The following ATXN7L3 variants were observed in gnomAD, a reference collection of about 807,000 sequenced individuals.
ATXN7L3 encodes the protein ataxin 7 like 3, also known as ataxin-7-like protein 3.
Under a neutral mutation model 50.0 loss-of-function variants are expected in ATXN7L3, and 6 were observed. The observed-to-expected ratio is 0.12, with a 90% CI of 0.07 to 0.24. ATXN7L3 has a LOEUF of 0.24. Among genes scored for constraint, ATXN7L3 ranks in the 10% least tolerant of loss-of-function variants. The probability of loss-of-function intolerance (pLI) is 1.00; values close to 1 mark genes in which losing one functional copy is unlikely to be tolerated. For missense variants in ATXN7L3, 322 were observed against 451.3 expected (o/e 0.71, Z 2.60); for synonymous variants, 198 against 165.8 (o/e 1.19, Z -1.49).
rs367866374 is a variant in ATXN7L3, at chr17:44,196,069, G to C, written c.488C>G (p.Ser163Cys). ...KKRKSDKNPN[S>C]PRRSKSLKHK... ...TTTTAATGACTTGGATCTTCGAGGG[G>C]AATTGGGGTTCTGGAATGGGAGATA... The change falls in exon 7 of 13, where the codon TCC (serine) becomes TGC (cysteine). Residue 163 changes from serine (S) to cysteine (C), a missense_variant. Coordinates refer to ENST00000587097, the MANE Select transcript of ATXN7L3 (RefSeq NM_001382309.1). The C allele has an allele frequency of 1.9e-6, 3 of 1,613,372 alleles. No homozygotes were observed. The highest frequency in any genetic ancestry group is 1.7e-6 in the Non-Finnish European group (2 of 1,179,494).
Position 44,197,643 on chromosome 17 carries a change from A to C in ATXN7L3, c.139T>G (p.Tyr47Asp). 1.9e-6 allele frequency: 3 copies of C among 1,614,256 alleles called. No homozygotes were observed. The highest frequency in any genetic ancestry group is 2.5e-6 in the Non-Finnish European group (3 of 1,180,046). The change falls in exon 3 of 13, where the codon TAC becomes GAC. Residue 47 changes from tyrosine (Y) to aspartate (D), a missense_variant. By Grantham distance (160) the Tyr-to-Asp change is radical (BLOSUM62 -3). Coordinates refer to ENST00000587097, the MANE Select transcript of ATXN7L3 (RefSeq NM_001382309.1). Reference protein sequence around the residue: ...FEVHRAVKCGYFFLDDTDPDS... With the variant: ...FEVHRAVKCGDFFLDDTDPDS... ...GGGTCCGTGTCGTCCAAGAAGAAGTAGCCACACTTGACAGCCCGGTGTACC... is the reference window on the plus strand; with the variant it reads ...GGGTCCGTGTCGTCCAAGAAGAAGTCGCCACACTTGACAGCCCGGTGTACC...
In ATXN7L3 at chr17:44,194,827, G is replaced by A; in HGVS notation, c.678C>T (p.Cys226=). The A allele has an allele frequency of 1.2e-6, 2 of 1,614,166 alleles. No individual in the cohort carries two copies. The highest frequency in any genetic ancestry group is 1.7e-6 in the Non-Finnish European group (2 of 1,180,006). The stretch of plus-strand genomic sequence containing the variant: ...GCCTCTGCTCATCTGTGTGCTGTGG[G>A]CAGCGCAGGGACCTGGTGGTGAGGC... ...TKKMCTRSLR[C]PQHTDEQRRT... is the part of the protein sequence containing the mutation. Residue 226 remains cysteine (C), a synonymous_variant, in exon 11 of 13, where the codon TGC becomes TGT. Coordinates refer to ENST00000587097, the MANE Select transcript of ATXN7L3 (RefSeq NM_001382309.1).
intron 9 of ATXN7L3, 67 bp downstream of exon 9, chr17:44,195,352 G>A: frequency 3.3e-6 from 5 of 1,522,488 alleles, no homozygotes; most frequent in South Asian, 1.1e-5. Context: ...TTCCTCCCAG[G>A]CCTTGACCAC....
In ATXN7L3 at chr17:44,196,830, C is replaced by T. The variant is rs1190503902; in HGVS notation, c.454+99G>A. 8.5e-6 allele frequency: 6 copies of T among 703,262 alleles called. No homozygotes were observed. The East Asian group carries it at 8.9e-5, about 10-fold the overall frequency. 43.6% of individuals were successfully genotyped at this position (703,262 alleles called of 1,614,324 possible). ...AGGAAATCGCGTAACTACACTCTCT[C>T]TTCATCATTCAAGGCAACAATTTGT... On this transcript the variant is annotated intron_variant, in intron 5 of 12. Transcript: ENST00000587097.
intron 10 of ATXN7L3, 55 bp downstream of exon 10, chr17:44,195,042 G>T: frequency 6.3e-7 from 1 of 1,594,654 alleles, no homozygotes; most frequent in Non-Finnish European, 8.6e-7. Flanking sequence ...CCCAACCCAT[G>T]CCCATGGTGA....
chr17:44,197,562 A>G (rs1195377327), intron 3 of ATXN7L3, 36 bp downstream of exon 3: 1 of 1,613,534 alleles, frequency 6.2e-7, no homozygotes, highest in Admixed American at 1.7e-5. Context: ...GTCCCAGGGA[A>G]GGGCTGGACT....
In ATXN7L3 at chr17:44,195,066, G is replaced by A. The variant is rs200377220; in HGVS notation, c.665+31C>T. The stretch of plus-strand genomic sequence containing the variant: ...TGCCCATGGTGAGTGTGCAGGAAGC[G>A]CCTGGCCCCCTTTCTAGGTTCTGTG... On this transcript the variant is annotated intron_variant, in intron 10 of 12. Coordinates refer to ENST00000587097, the MANE Select transcript of ATXN7L3 (RefSeq NM_001382309.1). 117 of 1,612,654 alleles carry A rather than the reference G, an allele frequency of 7.3e-5. No individual in the cohort carries two copies. In the African/African-American group the frequency reaches 1.3e-3, roughly 18 times the overall value.
At chr17:44,197,143 A>G (rs1228562510) in intron 4 of ATXN7L3, 85 bp downstream of exon 4, 5 of 1,563,450 alleles carry the variant, frequency 3.2e-6, no homozygotes, top group Non-Finnish European at 4.4e-6. Flanking sequence ...GCCAAGTAAA[A>G]CCCACCCTCT....
Position 44,197,587 on chromosome 17 carries a change from C to A in ATXN7L3, c.184+11G>T. On this transcript the variant is annotated intron_variant, in intron 3 of 12. Coordinates refer to ENST00000587097, the MANE Select transcript of ATXN7L3 (RefSeq NM_001382309.1). The stretch of plus-strand genomic sequence containing the variant: ...AGGGCTGGACTGCTGCTCCTTCACC[C>A]TGAAGCTCACCAAAATCCTTCATGC... The A allele has an allele frequency of 6.2e-7, 1 of 1,614,240 alleles. No homozygotes were observed. Among genetic ancestry groups the A allele is most frequent in the Non-Finnish European group, 8.5e-7 (1 of 1,180,040 alleles).
Position 44,197,212 on chromosome 17 carries a change from G to C in ATXN7L3, c.356+16C>G. On this transcript the variant is annotated intron_variant, in intron 4 of 12. Transcript: ENST00000587097. Reference sequence around the variant, plus strand: ...TGGCACAGGCTGCAGAGAACGGGCAGCTCTGGTTCCCTCACCGGCGGTTGG... The same window carrying C: ...TGGCACAGGCTGCAGAGAACGGGCACCTCTGGTTCCCTCACCGGCGGTTGG... The C allele has an allele frequency of 3.2e-6, 5 of 1,584,138 alleles. No individual in the cohort carries two copies. Among genetic ancestry groups the C allele is most frequent in the Non-Finnish European group, 4.3e-6 (5 of 1,162,674 alleles).
chr17:44,197,886 T>C (rs2055975397), intron 2 of ATXN7L3, 134 bp downstream of exon 2: 1 of 1,512,178 alleles, frequency 6.6e-7, no homozygotes, highest in African/African-American at 1.4e-5. Context: ...CCTGGATCCT[T>C]GGCTTTTTCA....
At chr17:44,195,508 C>T (rs1374147138) in intron 8 of ATXN7L3, 21 bp from the exon 9 acceptor site, 1 of 1,607,200 alleles carries the variant, frequency 6.2e-7, no homozygotes, top group Middle Eastern at 1.7e-4. Flanking sequence ...ACCAGAGGTA[C>T]AGGTTAGAGA....
Position 44,198,102 on chromosome 17 carries a change from T to C in ATXN7L3, c.-32A>G, listed in dbSNP as rs2055988153. On this transcript the variant is annotated 5_prime_UTR_variant, in exon 2 of 13. Transcript: ENST00000587097. ...ACTCTTGTGGAGACGGCGCTCTGAC[T>C]GCTCATAGCACAGCGGGCGGCAACA... The C allele has an allele frequency of 1.9e-6, 3 of 1,609,120 alleles. No individual in the cohort carries two copies. The highest frequency in any genetic ancestry group is 1.3e-5 in the African/African-American group (1 of 74,742).
At position 44,194,431 on chromosome 17, in the gene ATXN7L3, A is replaced by G. The variant is rs752600305; in HGVS notation, c.896-20T>C. ...TGGTACCTGTAGAGAAAGAGACACA[A>G]GGGATGAGAGTATGGTTATGGCAGG... On this transcript the variant is annotated intron_variant, in intron 12 of 12. Coordinates refer to ENST00000587097, the MANE Select transcript of ATXN7L3 (RefSeq NM_001382309.1). The G allele has an allele frequency of 6.2e-7, 1 of 1,613,922 alleles. No homozygotes were observed. Among genetic ancestry groups the G allele is most frequent in the Admixed American group, 1.7e-5 (1 of 59,998 alleles).
intron 2 of ATXN7L3, 118 bp from the exon 3 acceptor site, chr17:44,197,848 C>A: frequency 6.5e-7 from 1 of 1,543,590 alleles, no homozygotes; most frequent in Non-Finnish European, 8.9e-7. Flanking sequence ...GCCATTTTCC[C>A]CATCTTGACT....
In ATXN7L3 at chr17:44,194,678, G is replaced by A. The variant is rs764149706; in HGVS notation, c.738-4C>T. On this transcript the variant is annotated splice_region_variant and splice_polypyrimidine_tract_variant and intron_variant, in intron 11 of 12. Transcript: ENST00000587097. Reference sequence around the variant, plus strand: ...GCTCTCGACCTCTGGAAGGACACTGGAAAGGGGATGAGCCAAAGAAGGGCT... The same window carrying A: ...GCTCTCGACCTCTGGAAGGACACTGAAAAGGGGATGAGCCAAAGAAGGGCT... 8.1e-6 allele frequency: 13 copies of A among 1,613,912 alleles called. No homozygotes were observed. The highest frequency in any genetic ancestry group is 1.0e-5 in the Non-Finnish European group (12 of 1,179,926).
chr17:44,194,053 G>A lies in ATXN7L3; in HGVS notation c.*210C>T. The stretch of plus-strand genomic sequence containing the variant: ...TTATGTCCAAGGCATAATATGTCCA[G>A]GTCTGAGTCCTGCACGCCGAGGAGT... On this transcript the variant is annotated 3_prime_UTR_variant, in exon 13 of 13. Coordinates refer to ENST00000587097, the MANE Select transcript of ATXN7L3 (RefSeq NM_001382309.1). 1.6e-6 allele frequency: 1 copy of A among 622,432 alleles called. No homozygotes were observed. Among genetic ancestry groups the A allele is most frequent in the South Asian group, 2.0e-5 (1 of 49,516 alleles). 38.6% of individuals were successfully genotyped at this position (622,432 alleles called of 1,614,324 possible).
chr17:44,194,649 G>C lies in ATXN7L3; in HGVS notation c.763C>G (p.Leu255Val). Reference protein sequence around the residue: ...SAVLPEVESSLDNDSFDMTDS... With the variant: ...SAVLPEVESSVDNDSFDMTDS... ...GTCATGTCAAAGCTGTCATTATCCA[G>C]GGAGCTCTCGACCTCTGGAAGGACA... The change falls in exon 12 of 13, where the codon CTG (leucine) becomes GTG (valine). Residue 255 changes from leucine (L) to valine (V), a missense_variant. Coordinates refer to ENST00000587097, the MANE Select transcript of ATXN7L3 (RefSeq NM_001382309.1). 6.2e-7 allele frequency: 1 copy of C among 1,614,116 alleles called. No homozygotes were observed. Among genetic ancestry groups the C allele is most frequent in the East Asian group, 2.2e-5 (1 of 44,886 alleles).
In ATXN7L3 at chr17:44,197,222, C is replaced by G; in HGVS notation, c.356+6G>C. On this transcript the variant is annotated splice_donor_region_variant and intron_variant, in intron 4 of 12. Transcript: ENST00000587097. ...TGCAGAGAACGGGCAGCTCTGGTTC[C>G]CTCACCGGCGGTTGGCGATTCGGCT... 1.3e-6 allele frequency: 2 copies of G among 1,587,342 alleles called. No homozygotes were observed. The highest frequency in any genetic ancestry group is 1.7e-6 in the Non-Finnish European group (2 of 1,164,118).
Sources: gnomAD v4.1 joint callset for allele counts on GRCh38, gnomAD v4.1.1 for gene constraint, MANE v1.5 for transcripts, NCBI Gene and HGNC (gene_info 2026-07-23, HGNC 2026-07-21) for gene names.